The following SCRG1 variants were observed in gnomAD, a reference collection of about 807,000 sequenced individuals.
SCRG1 encodes the protein scrapie-responsive protein 1.
Under a neutral mutation model 7.7 loss-of-function variants are expected in SCRG1, and 3 were observed. That is an observed-to-expected ratio of 0.39 (90% confidence interval 0.18 to 1.01). SCRG1 has a LOEUF of 1.01. SCRG1 is among the 50% of genes least tolerant of loss of function. SCRG1 has a pLI of 0.36. For synonymous variants in SCRG1, 46 were observed against 41.2 expected (o/e 1.12, Z -0.44); for missense variants, 110 against 117.2 (o/e 0.94, Z 0.28).
chr4:173,395,528 G>C (rs1029367545), intron 1 of SCRG1, among the ~76,000 whole-genome samples: 2 of 152,192 alleles, frequency 1.3e-5, no homozygotes, highest in Non-Finnish European at 2.9e-5. Flanking sequence ...TCTCTGCCTT[G>C]TTGTTCCTTC....
chr4:173,461,383 T>G, the SCRG1 span, among the ~76,000 whole-genome samples: 1 of 152,228 alleles, frequency 6.6e-6, no homozygotes, highest in Non-Finnish European at 1.5e-5. Context: ...TCTGTATGTT[T>G]GGGAGTAAGT....
At chr4:173,478,362 T>C in the SCRG1 span, among the ~76,000 whole-genome samples, 1 of 151,832 alleles carries the variant, frequency 6.6e-6, no homozygotes, top group Admixed American at 6.6e-5. Context: ...AACTAACCTC[T>C]TGATGGAAGA....
At chr4:173,501,517 A>G in the SCRG1 span, among the ~76,000 whole-genome samples, 2 of 152,168 alleles carry the variant, frequency 1.3e-5, no homozygotes, top group East Asian at 1.9e-4. This position sits in a 1 kb window ranked among gnomAD's most constrained non-coding sequence, Gnocchi z 5.1. Flanking sequence ...GACTCTCAGT[A>G]GGCACACGAA....
chr4:173,406,436 A>C (rs1739908136), upstream of SCRG1: 1 of 152,158 alleles, frequency 6.6e-6, no homozygotes, highest in African/African-American at 2.4e-5. Context: ...GTTTTGTCAC[A>C]TTCTGTTTTT....
chr4:173,492,997 A>G, the SCRG1 span, among the ~76,000 whole-genome samples: 434 of 152,266 alleles, frequency 2.9e-3, no homozygotes, highest in African/African-American at 9.9e-3. Flanking sequence ...GTGGACTAAG[A>G]ACAGGGTGCC....
chr4:173,477,705 CCCTTCCTTCCTTCCTTCCTTCCTTCCTT>C, the SCRG1 span, among the ~76,000 whole-genome samples: 1,056 of 128,336 alleles, frequency 8.2e-3, 8 homozygotes, highest in African/African-American at 0.017. Context: ...TCTTTTTTTT[CCCTTCCTTCCTTCCTTCCTTCCTTCCTT>C]CCTTCCTTCC....
chr4:173,443,978 TGTG>T, the SCRG1 span, among the ~76,000 whole-genome samples: 1 of 151,624 alleles, frequency 6.6e-6, no homozygotes, highest in Non-Finnish European at 1.5e-5. Flanking sequence ...TGTGTGTGTG[TGTG>T]TGTGTGTTTG....
the SCRG1 span, among the ~76,000 whole-genome samples, chr4:173,509,968 T>C: frequency 0.012 from 1,841 of 152,262 alleles, 43 homozygotes; most frequent in African/African-American, 0.042. This position sits in a 1 kb window ranked among gnomAD's most constrained non-coding sequence, Gnocchi z 5.7. Flanking sequence ...TTCACTGCTG[T>C]TTTAAAAATT....
At chr4:173,483,799 GATATA>G in the SCRG1 span, among the ~76,000 whole-genome samples, 3 of 12,356 alleles carry the variant, frequency 2.4e-4, 1 homozygote, top group African/African-American at 6.9e-4. Context: ...TCATATATAT[GATATA>G]TGATATGTAA....
the SCRG1 span, among the ~76,000 whole-genome samples, chr4:173,431,392 G>T: frequency 6.6e-6 from 1 of 152,206 alleles, no homozygotes. Flanking sequence ...GGTAGAAACA[G>T]CAAGAACCCA....
chr4:173,409,116 G>A (rs1739986020), upstream of SCRG1, among the ~76,000 whole-genome samples: 4 of 151,836 alleles, frequency 2.6e-5, no homozygotes, highest in Admixed American at 1.3e-4. Flanking sequence ...TCCATTAGAA[G>A]CCTGCCTCAC....
the SCRG1 span, among the ~76,000 whole-genome samples, chr4:173,485,977 AC>A: frequency 2.5e-3 from 379 of 152,238 alleles, 2 homozygotes; most frequent in African/African-American, 8.8e-3. Flanking sequence ...CTCAAAAACA[AC>A]AAAAAAAATT....
the SCRG1 span, among the ~76,000 whole-genome samples, chr4:173,487,147 C>G: frequency 6.6e-6 from 1 of 152,150 alleles, no homozygotes; most frequent in African/African-American, 2.4e-5. Context: ...TGGGACTATT[C>G]TAATGTGCAG....
intron 2 of SCRG1, among the ~76,000 whole-genome samples, chr4:173,388,599 G>A (rs1039972354): frequency 6.6e-6 from 1 of 152,088 alleles, no homozygotes; most frequent in East Asian, 1.9e-4. Context: ...TACTTTCCCC[G>A]CATTTGCCAT....
At chr4:173,412,042 C>T in the SCRG1 span, among the ~76,000 whole-genome samples, 288 of 152,310 alleles carry the variant, frequency 1.9e-3, 1 homozygote, top group Non-Finnish European at 3.1e-3. Context: ...CTCCTGCCAA[C>T]CCTGGACCCC....
the SCRG1 span, among the ~76,000 whole-genome samples, chr4:173,509,278 G>A: frequency 2.6e-5 from 4 of 152,256 alleles, no homozygotes; most frequent in African/African-American, 9.6e-5. This position sits in a 1 kb window ranked among gnomAD's most constrained non-coding sequence, Gnocchi z 5.7. Flanking sequence ...TCTCACTCGC[G>A]GGGAGGATGG....
chr4:173,499,441 T>C, the SCRG1 span, among the ~76,000 whole-genome samples: 1 of 152,202 alleles, frequency 6.6e-6, no homozygotes, highest in Admixed American at 6.5e-5. This position sits in a 1 kb window ranked among gnomAD's most constrained non-coding sequence, Gnocchi z 4.1. Flanking sequence ...ATAGTAGTAA[T>C]AATAGTAATA....
chr4:173,394,833 C>T (rs1739554175), intron 1 of SCRG1, among the ~76,000 whole-genome samples: 4 of 152,078 alleles, frequency 2.6e-5, no homozygotes, highest in Admixed American at 2.0e-4. Flanking sequence ...TTTTGTCTTT[C>T]AACTTTTATG....
At chr4:173,457,521 G>A in the SCRG1 span, among the ~76,000 whole-genome samples, 5 of 152,142 alleles carry the variant, frequency 3.3e-5, no homozygotes, top group Admixed American at 2.6e-4. Flanking sequence ...GATCCCTGCA[G>A]CCTGGCTGTT....
Sources: gnomAD v4.1 joint callset for allele counts (sites outside exome capture counted in the v4.1 genomes callset) on GRCh38, gnomAD v4.1.1 for gene constraint, Gnocchi (gnomAD v3.1) non-coding constraint, MANE v1.5 for transcripts, NCBI Gene and HGNC (gene_info 2026-07-23, HGNC 2026-07-21) for gene names.